ZNF91: variants seen among roughly 807,000 people sequenced by gnomAD.
ZNF91 encodes zinc finger protein 91, also known as zinc finger protein 91 (HPF7, HTF10).
Under a neutral mutation model 12.6 loss-of-function variants are expected in ZNF91, and 7 were observed. That is an observed-to-expected ratio of 0.55 (90% confidence interval 0.31 to 1.04). The LOEUF (loss-of-function observed/expected upper bound fraction) is 1.04. Ranked by LOEUF, ZNF91 falls within the 50% of genes least tolerant of loss-of-function variation. The pLI, the probability that ZNF91 is intolerant of heterozygous loss-of-function variation, is 0.05. For missense variants in ZNF91, 1,217 were observed against 1,385.4 expected (o/e 0.88, Z 1.93); for synonymous variants, 453 against 462.6 (o/e 0.98, Z 0.27).
At chr19:23,373,894 T>G in intron 2 of ZNF91, 57 bp from the exon 3 acceptor site, 25 of 1,284,126 alleles carry the variant, frequency 1.9e-5, no homozygotes, top group Non-Finnish European at 2.6e-5. Context: ...CCTGCCAACT[T>G]AGTAATGTGC....
chr19:23,395,015 CCT>C (rs1365698733), intron 1 of ZNF91, among the ~76,000 whole-genome samples: 2 of 152,266 alleles, frequency 1.3e-5, no homozygotes, highest in South Asian at 2.1e-4. Flanking sequence ...AGGATTCTCC[CCT>C]GACGACCCTC....
chr19:23,317,245 T>G (rs1967584807), intron 1 of ZNF91, among the ~76,000 whole-genome samples: 1 of 152,082 alleles, frequency 6.6e-6, no homozygotes, highest in Admixed American at 6.5e-5. Flanking sequence ...AGACGGGGTT[T>G]CACCGTCTTA....
At chr19:23,325,546 G>C (rs541198563) in intron 1 of ZNF91, 2 of 152,004 alleles carry the variant, frequency 1.3e-5, no homozygotes, top group East Asian at 3.9e-4. Context: ...ACTACAAGTC[G>C]CTCACCCTGC....
upstream of ZNF91, among the ~76,000 whole-genome samples, chr19:23,313,461 G>C (rs1305237132): frequency 6.6e-6 from 1 of 152,202 alleles, no homozygotes; most frequent in Non-Finnish European, 1.5e-5. Flanking sequence ...GGGAGACTGT[G>C]ATGTATCAGT....
At chr19:23,388,733 CATG>C (rs1178483667) in intron 1 of ZNF91, among the ~76,000 whole-genome samples, 2 of 152,004 alleles carry the variant, frequency 1.3e-5, no homozygotes, top group Non-Finnish European at 2.9e-5. Context: ...ATTAGCCAGG[CATG>C]GTGGTGGGCA....
upstream of ZNF91, among the ~76,000 whole-genome samples, chr19:23,314,196 C>T (rs1484370419): frequency 1.3e-5 from 2 of 152,130 alleles, no homozygotes; most frequent in Non-Finnish European, 2.9e-5. Flanking sequence ...TGTGAGTCTC[C>T]TGCCTAGATT....
intron 3 of ZNF91, among the ~76,000 whole-genome samples, chr19:23,369,856 C>T (rs1969200441): frequency 6.6e-6 from 1 of 151,300 alleles, no homozygotes; most frequent in Admixed American, 6.6e-5. Context: ...TACCCAGGGA[C>T]ACAAACACTG....
At position 23,358,001 on chromosome 19, in the gene ZNF91, C is replaced by T. The variant is rs571712777; in HGVS notation, c.*1402G>A. On this transcript the variant is annotated 3_prime_UTR_variant, in exon 4 of 4. Transcript: ENST00000300619. ...AAAATAAAAATTTAGCCTATGGGAA[C>T]AATATTCTTTAACTTAATGGCAATT... is the stretch of plus-strand genomic sequence containing the variant. 2.6e-4 allele frequency: 40 copies of T among 152,048 alleles called. No individual in the cohort carries two copies. Among genetic ancestry groups the T allele is most frequent in the African/African-American group, 8.7e-4 (36 of 41,478 alleles). The allele number at this position is 152,048 out of a possible 1,614,324, so 9.4% of individuals were successfully genotyped here. A position where few individuals can be genotyped will look rare whatever the true frequency, so the allele number is the denominator to read the frequency against.
At chr19:23,336,768 T>A (rs1445026428), downstream of ZNF91, among the ~76,000 whole-genome samples, 2 of 152,228 alleles carry the variant, frequency 1.3e-5, no homozygotes, top group Non-Finnish European at 2.9e-5. Context: ...TATTTATTTA[T>A]TTATTCATTT....
intron 1 of ZNF91, among the ~76,000 whole-genome samples, chr19:23,390,913 G>T (rs2145141974): frequency 6.6e-6 from 1 of 152,316 alleles, no homozygotes; most frequent in East Asian, 1.9e-4. Flanking sequence ...ACCATTGATA[G>T]GCATTCAAGT....
chr19:23,315,275 T>A (rs1376312347), upstream of ZNF91, among the ~76,000 whole-genome samples: 3 of 152,218 alleles, frequency 2.0e-5, no homozygotes, highest in Non-Finnish European at 4.4e-5. Context: ...GTGATGTGAC[T>A]CTCTTGCATG....
chr19:23,368,554 C>CTATATA (rs1252006662), intron 3 of ZNF91, among the ~76,000 whole-genome samples: 114 of 101,386 alleles, frequency 1.1e-3, no homozygotes, highest in East Asian at 2.2e-3. Flanking sequence ...CTCTCTCTCT[C>CTATATA]TCTCTCTCTA....
chr19:23,389,802 G>T (rs1969999615), intron 1 of ZNF91, among the ~76,000 whole-genome samples: 1 of 152,048 alleles, frequency 6.6e-6, no homozygotes, highest in African/African-American at 2.4e-5. Context: ...CTTCAATTCT[G>T]ACACCACCCA....
At chr19:23,348,322 C>T (rs950080473) in intron 3 of ZNF91, among the ~76,000 whole-genome samples, 1 of 152,124 alleles carries the variant, frequency 6.6e-6, no homozygotes, top group Admixed American at 6.5e-5. Flanking sequence ...CCAGCTGAAG[C>T]CGTGGCAGAA....
In ZNF91 at chr19:23,362,566, CCTT is replaced by C; in HGVS notation, c.410_412del (p.Glu137del). 1 of 1,601,996 alleles carries C rather than the reference CCTT, an allele frequency of 6.2e-7. No individual in the cohort carries two copies. Among genetic ancestry groups the C allele is most frequent in the Non-Finnish European group, 8.5e-7 (1 of 1,175,890 alleles). ...GAGACACTGGTTAAGTTTATTATAA[CCTT>C]CTTTGTGCACCTTACACTCATCCAC... On this transcript the variant is annotated inframe_deletion, in exon 4 of 4. Transcript: ENST00000300619.
intron 1 of ZNF91, among the ~76,000 whole-genome samples, chr19:23,392,861 A>C (rs1397779073): frequency 6.6e-6 from 1 of 152,066 alleles, no homozygotes; most frequent in East Asian, 1.9e-4. Context: ...CAAGATACAG[A>C]TATGTCTTCC....
intron 2 of ZNF91, among the ~76,000 whole-genome samples, chr19:23,374,134 AG>A (rs1969407576): frequency 6.6e-6 from 1 of 152,186 alleles, no homozygotes; most frequent in Non-Finnish European, 1.5e-5. Flanking sequence ...TGAAGGACAC[AG>A]ATCAGCTCAG....
At chr19:23,350,203 A>C (rs1229903776) in intron 3 of ZNF91, among the ~76,000 whole-genome samples, 1 of 152,222 alleles carries the variant, frequency 6.6e-6, no homozygotes, top group Non-Finnish European at 1.5e-5. Flanking sequence ...ATAACAGAAA[A>C]GCAGTACTAG....
At position 23,362,151 on chromosome 19, in the gene ZNF91, T is replaced by C. The variant is rs753468482; in HGVS notation, c.828A>G (p.Leu276=). 9.3e-6 allele frequency: 15 copies of C among 1,613,494 alleles called. No homozygotes were observed. The highest frequency in any genetic ancestry group is 3.3e-5 in the Admixed American group (2 of 59,968). Residue 276 remains leucine (L), a synonymous_variant, in exon 4 of 4, where the codon CTA becomes CTG. Transcript: ENST00000300619. ...TATGTCTAGTTAGGGTTGAGGACCA[T>C]AGAAATGCTTTGCCACATTCTTCAC... ...YKCEECGKAF[L]WSSTLTRHKR...
Sources: allele counts gnomAD v4.1 joint callset (sites outside exome capture counted in the v4.1 genomes callset), GRCh38; gene constraint gnomAD v4.1.1; transcripts MANE v1.5; gene names NCBI Gene and HGNC (gene_info 2026-07-23, HGNC 2026-07-21).